RBFOX1: variants seen among roughly 807,000 people sequenced by gnomAD.
RBFOX1 encodes RNA binding fox-1 homolog 1.
RBFOX1 carries 8 observed loss-of-function variants against 57.7 expected under a neutral mutation model. That is an observed-to-expected ratio of 0.14 (90% CI 0.08 to 0.25). The LOEUF is 0.25. RBFOX1 is among the 10% of genes least tolerant of loss of function. RBFOX1 has a pLI of 1.00. For synonymous variants in RBFOX1, 326 were observed against 222.4 expected (o/e 1.47, Z -4.15); for missense variants, 611 against 548.5 (o/e 1.11, Z -1.14).
chr16:6,873,852 C>A (rs956170550), intron 3 of RBFOX1: 1 of 152,080 alleles, frequency 6.6e-6, no homozygotes, highest in South Asian at 2.1e-4. Flanking sequence ...AAGTAACTTG[C>A]ATAAAGTCAG....
At chr16:6,209,111 C>G (rs1210397330) in intron 1 of RBFOX1, among the ~76,000 whole-genome samples, 1 of 152,164 alleles carries the variant, frequency 6.6e-6, no homozygotes, top group African/African-American at 2.4e-5. Flanking sequence ...GAAAGCAGGA[C>G]AAACCTGTGA....
At chr16:5,368,153 G>A (rs2065771616) in intron 1 of RBFOX1, among the ~76,000 whole-genome samples, 1 of 152,178 alleles carries the variant, frequency 6.6e-6, no homozygotes, top group South Asian at 2.1e-4. Context: ...CCAACCTCTG[G>A]GAGCTATCTG....
intron 4 of RBFOX1, among the ~76,000 whole-genome samples, chr16:7,444,728 C>T (rs1482016192): frequency 6.6e-6 from 1 of 152,078 alleles, no homozygotes; most frequent in Non-Finnish European, 1.5e-5. Context: ...GGTGAGGGCT[C>T]CCTACGTTGC....
chr16:6,417,620 C>T lies in RBFOX1; in HGVS notation c.-64+100563C>T, dbSNP rs2093660253. ...GTCCAGGCTGGTCTTGAACTCCTGACCTCAGGTGATCCACCTACCTCAGCC... is the reference window on the plus strand; with the variant it reads ...GTCCAGGCTGGTCTTGAACTCCTGATCTCAGGTGATCCACCTACCTCAGCC... On this transcript the variant is annotated intron_variant, in intron 2 of 15. Coordinates refer to ENST00000550418, the MANE Select transcript of RBFOX1 (RefSeq NM_018723.4). Among the ~76,000 whole-genome samples the T allele has an allele frequency of 2.0e-5, 3 of 150,194 alleles. No homozygotes were observed. In the South Asian group the frequency reaches 6.4e-4, roughly 32 times the overall value.
intron 3 of RBFOX1, among the ~76,000 whole-genome samples, chr16:6,659,126 G>C (rs1359410160): frequency 6.6e-6 from 1 of 152,004 alleles, no homozygotes; most frequent in African/African-American, 2.4e-5. Context: ...TTTATTTGTG[G>C]TGTAAAATCC....
intron 3 of RBFOX1, among the ~76,000 whole-genome samples, chr16:5,812,016 C>G (rs181399303): frequency 6.6e-6 from 1 of 152,246 alleles, no homozygotes; most frequent in African/African-American, 2.4e-5. Context: ...CCTTTCTGGA[C>G]GTTTCATGTA....
chr16:7,455,946 T>A (rs1758336267), intron 4 of RBFOX1, among the ~76,000 whole-genome samples: 1 of 152,180 alleles, frequency 6.6e-6, no homozygotes, highest in African/African-American at 2.4e-5. Context: ...ATTATTAATG[T>A]CCCCTGTTTG....
chr16:6,917,857 C>G (rs1003008370), intron 3 of RBFOX1, among the ~76,000 whole-genome samples: 1 of 152,104 alleles, frequency 6.6e-6, no homozygotes, highest in Non-Finnish European at 1.5e-5. Flanking sequence ...TGTCAGAAAT[C>G]CTGGAAAAAT....
intron 3 of RBFOX1, among the ~76,000 whole-genome samples, chr16:6,774,362 C>G (rs570643602): frequency 3.2e-4 from 49 of 152,220 alleles, no homozygotes; most frequent in Non-Finnish European, 6.5e-4. Context: ...CTGGCCAAGT[C>G]TACACAGGCA....
chr16:6,820,517 G>A (rs745433501), intron 3 of RBFOX1, among the ~76,000 whole-genome samples: 17 of 152,036 alleles, frequency 1.1e-4, no homozygotes, highest in Non-Finnish European at 1.9e-4. Flanking sequence ...AAAGTAACTG[G>A]GTATGGTGGC....
chr16:6,513,463 G>C (rs2153785532), intron 2 of RBFOX1, among the ~76,000 whole-genome samples: 1 of 152,310 alleles, frequency 6.6e-6, no homozygotes, highest in Non-Finnish European at 1.5e-5. Flanking sequence ...GCCGGGCGCG[G>C]TGGCTCACGT....
chr16:6,388,723 G>A (rs1028478568), intron 2 of RBFOX1, among the ~76,000 whole-genome samples: 2 of 152,088 alleles, frequency 1.3e-5, no homozygotes, highest in African/African-American at 4.8e-5. Flanking sequence ...TTGGATGACA[G>A]AGCGAGATGC....
At chr16:5,593,367 G>A (rs1195098903) in intron 2 of RBFOX1, among the ~76,000 whole-genome samples, 2 of 152,126 alleles carry the variant, frequency 1.3e-5, no homozygotes, top group African/African-American at 2.4e-5. Context: ...GGGAGGGATA[G>A]CATTAGGAGA....
At chr16:6,714,047 G>T (rs906814413) in intron 3 of RBFOX1, among the ~76,000 whole-genome samples, 2 of 152,204 alleles carry the variant, frequency 1.3e-5, no homozygotes, top group East Asian at 3.9e-4. Flanking sequence ...GAAGTCATTG[G>T]ATTGTGGGGG....
At chr16:7,011,347 A>C (rs541721629) in intron 3 of RBFOX1, among the ~76,000 whole-genome samples, 1 of 152,186 alleles carries the variant, frequency 6.6e-6, no homozygotes. Context: ...AGCTTAAGCA[A>C]TTTGCCAAGG....
intron 3 of RBFOX1, among the ~76,000 whole-genome samples, chr16:6,989,925 C>A (rs2091130514): frequency 6.6e-6 from 1 of 152,096 alleles, no homozygotes; most frequent in South Asian, 2.1e-4. Flanking sequence ...TGCTTGAATT[C>A]AGGAGGCAGA....
At chr16:6,501,213 A>G (rs961928981) in intron 2 of RBFOX1, among the ~76,000 whole-genome samples, 12 of 146,752 alleles carry the variant, frequency 8.2e-5, no homozygotes, top group African/African-American at 3.1e-4. Flanking sequence ...ATATGTATAC[A>G]TGTGCCATGT....
chr16:6,932,640 C>T (rs1419793222), intron 3 of RBFOX1, among the ~76,000 whole-genome samples: 1 of 152,174 alleles, frequency 6.6e-6, no homozygotes, highest in Non-Finnish European at 1.5e-5. Context: ...TAGCCCCAGG[C>T]ATCTTTCATG....
At chr16:7,609,815 G>GTTTC (rs1209807711) in intron 10 of RBFOX1, among the ~76,000 whole-genome samples, 1 of 151,782 alleles carries the variant, frequency 6.6e-6, no homozygotes, top group East Asian at 1.9e-4. Flanking sequence ...TTGTTTGTTT[G>GTTTC]TTTGTTTGTT....
Sources: gnomAD v4.1 joint callset for allele counts (sites outside exome capture counted in the v4.1 genomes callset) on GRCh38, gnomAD v4.1.1 for gene constraint, MANE v1.5 for transcripts, NCBI Gene and HGNC (gene_info 2026-07-23, HGNC 2026-07-21) for gene names.